PTPRK: variants seen among roughly 807,000 people sequenced by gnomAD.
PTPRK encodes the protein receptor-type tyrosine-protein phosphatase kappa.
PTPRK carries 75 observed loss-of-function variants against 178.0 expected under a neutral mutation model. That is an observed-to-expected ratio of 0.42 (90% CI 0.35 to 0.51). The LOEUF (loss-of-function observed/expected upper bound fraction) is 0.51. PTPRK is among the 20% of genes least tolerant of loss of function. The pLI, the probability that PTPRK is intolerant of heterozygous loss-of-function variation, is 0.02. For synonymous variants in PTPRK, 637 were observed against 620.6 expected, an observed-to-expected ratio of 1.03 and a Z score of -0.39; for missense variants, 1,441 against 1,797.8, an observed-to-expected ratio of 0.80 and a Z score of 3.59.
chr6:128,099,965 T>C (rs906397378), intron 7 of PTPRK, among the ~76,000 whole-genome samples: 3 of 152,062 alleles, frequency 2.0e-5, no homozygotes, highest in Non-Finnish European at 2.9e-5. Context: ...AGGAGATATA[T>C]GGCCTGCACA....
At chr6:128,197,512 T>C (rs1228413325) in intron 6 of PTPRK, among the ~76,000 whole-genome samples, 1 of 152,114 alleles carries the variant, frequency 6.6e-6, no homozygotes, top group Non-Finnish European at 1.5e-5. Context: ...GAAATCTACT[T>C]TCAAAATTTA....
intron 1 of PTPRK, among the ~76,000 whole-genome samples, chr6:128,432,279 TA>T (rs1419064946): frequency 6.6e-6 from 1 of 152,194 alleles, no homozygotes; most frequent in African/African-American, 2.4e-5. Flanking sequence ...ATTTTTAAGT[TA>T]AAAAACCTGA....
chr6:128,255,815 G>A (rs562918300), intron 3 of PTPRK, among the ~76,000 whole-genome samples: 87 of 152,370 alleles, frequency 5.7e-4, no homozygotes, highest in African/African-American at 1.9e-3. Flanking sequence ...AGGCTAAAAT[G>A]TGAGAACCAT....
chr6:128,253,982 C>T (rs1241538341), intron 3 of PTPRK, among the ~76,000 whole-genome samples: 3 of 152,168 alleles, frequency 2.0e-5, no homozygotes, highest in African/African-American at 7.2e-5. Context: ...TTTCACATCA[C>T]AAATTCAGAT....
At chr6:128,280,037 T>A (rs1382040485) in intron 3 of PTPRK, among the ~76,000 whole-genome samples, 1 of 152,190 alleles carries the variant, frequency 6.6e-6, no homozygotes. Flanking sequence ...TTTATTAGCA[T>A]CAATTTTTTA....
At chr6:128,510,509 T>A (rs1021406091) in intron 1 of PTPRK, among the ~76,000 whole-genome samples, 11 of 152,214 alleles carry the variant, frequency 7.2e-5, no homozygotes, top group African/African-American at 2.7e-4. Flanking sequence ...CATCATCTCT[T>A]GAGGTTTTCA....
intron 2 of PTPRK, among the ~76,000 whole-genome samples, chr6:128,388,628 T>C (rs1175522120): frequency 2.6e-5 from 4 of 152,242 alleles, no homozygotes. Flanking sequence ...ATCCTTATCC[T>C]ATATCTCTAT....
At chr6:128,476,094 C>T (rs973334553) in intron 1 of PTPRK, among the ~76,000 whole-genome samples, 4 of 152,120 alleles carry the variant, frequency 2.6e-5, no homozygotes, top group African/African-American at 9.6e-5. Flanking sequence ...CCAAAGAGGA[C>T]ATTCACAGTA....
chr6:128,494,859 G>GT (rs1854428803), intron 1 of PTPRK, among the ~76,000 whole-genome samples: 1 of 152,168 alleles, frequency 6.6e-6, no homozygotes. Flanking sequence ...CGCCCTGAAA[G>GT]TATAGGGGAG....
At chr6:128,299,452 T>C (rs1458423154) in intron 3 of PTPRK, among the ~76,000 whole-genome samples, 9 of 151,958 alleles carry the variant, frequency 5.9e-5, no homozygotes, top group Non-Finnish European at 8.8e-5. Context: ...GGAGGCATCA[T>C]GCTACCTGAC....
chr6:128,194,066 ATTATTATTATTAT>A (rs1211799523), intron 6 of PTPRK, among the ~76,000 whole-genome samples: 4 of 79,342 alleles, frequency 5.0e-5, no homozygotes, highest in Admixed American at 5.0e-4. Context: ...TTATATATAT[ATTATTATTATTAT>A]TATTATTATT....
intron 2 of PTPRK, among the ~76,000 whole-genome samples, chr6:128,392,071 T>C (rs2128364929): frequency 6.6e-6 from 1 of 152,224 alleles, no homozygotes; most frequent in South Asian, 2.1e-4. Context: ...CCTGGAATTA[T>C]CTGTTTTATA....
chr6:128,458,636 G>C (rs993576097), intron 1 of PTPRK, among the ~76,000 whole-genome samples: 1 of 152,040 alleles, frequency 6.6e-6, no homozygotes. Flanking sequence ...TGTGGTGAAC[G>C]GTGTATTAAT....
At chr6:128,324,970 T>C (rs1249680756) in intron 2 of PTPRK, among the ~76,000 whole-genome samples, 2 of 152,196 alleles carry the variant, frequency 1.3e-5, no homozygotes, top group African/African-American at 4.8e-5. Context: ...TCTCTCATAC[T>C]TTATGTTATA....
chr6:128,034,002 T>C (rs904165623), intron 13 of PTPRK, among the ~76,000 whole-genome samples: 1 of 152,206 alleles, frequency 6.6e-6, no homozygotes, highest in Non-Finnish European at 1.5e-5. Flanking sequence ...ATATTTCTAT[T>C]CTTTATATCT....
intron 7 of PTPRK, among the ~76,000 whole-genome samples, chr6:128,141,636 A>G (rs1795782888): frequency 1.3e-5 from 2 of 151,968 alleles, no homozygotes; most frequent in Admixed American, 1.3e-4. Context: ...TAGCATTTTG[A>G]CTATCTTTTA....
At chr6:128,308,543 C>T (rs1826784065) in intron 3 of PTPRK, among the ~76,000 whole-genome samples, 1 of 151,792 alleles carries the variant, frequency 6.6e-6, no homozygotes, top group Non-Finnish European at 1.5e-5. Flanking sequence ...ATAGTATAGG[C>T]TTTTATATCT....
At chr6:128,362,366 C>T (rs1562359384) in intron 2 of PTPRK, among the ~76,000 whole-genome samples, 1 of 86,354 alleles carries the variant, frequency 1.2e-5, no homozygotes, top group Non-Finnish European at 2.8e-5. Context: ...CCACCTGGCC[C>T]CCATCACCAA....
At chr6:128,207,683 T>C (rs2128262749) in intron 6 of PTPRK, among the ~76,000 whole-genome samples, 1 of 152,254 alleles carries the variant, frequency 6.6e-6, no homozygotes, top group Middle Eastern at 3.4e-3. Context: ...ATTCAAAACC[T>C]TAAGGTATCT....
Sources: allele counts gnomAD v4.1 joint callset (sites outside exome capture counted in the v4.1 genomes callset), GRCh38; gene constraint gnomAD v4.1.1; transcripts MANE v1.5; gene names NCBI Gene and HGNC (gene_info 2026-07-23, HGNC 2026-07-21).